Variants in WDFY4 observed in about 807,000 individuals in gnomAD.
WDFY4 encodes the protein WDFY family member 4.
Under a neutral mutation model 351.9 loss-of-function variants are expected in WDFY4, and 169 were observed. The ratio of observed to expected loss-of-function variants is 0.48; its 90% CI spans 0.42 to 0.55. WDFY4 has a LOEUF of 0.55. WDFY4 is among the 20% of genes least tolerant of loss of function. WDFY4 has a pLI of 0.00. For missense variants in WDFY4, 3,803 were observed against 3,935.6 expected (o/e 0.97, Z 0.90); for synonymous variants, 1,622 against 1,574.6 (o/e 1.03, Z -0.71).
intron 22 of WDFY4, 95 bp downstream of exon 22, chr10:48,790,080 T>C: frequency 7.9e-7 from 1 of 1,264,552 alleles, no homozygotes; most frequent in Non-Finnish European, 1.1e-6. Flanking sequence ...GTGGACAGGA[T>C]GGAGTGTGCC....
intron 47 of WDFY4, among the ~76,000 whole-genome samples, chr10:48,938,763 G>A (rs1840568401): frequency 6.6e-6 from 1 of 152,184 alleles, no homozygotes; most frequent in Admixed American, 6.5e-5. Flanking sequence ...CAGGATGGGT[G>A]TAAATGACCC....
At chr10:48,863,536 A>T (rs1482431078) in intron 39 of WDFY4, among the ~76,000 whole-genome samples, 1 of 152,102 alleles carries the variant, frequency 6.6e-6, no homozygotes, top group Non-Finnish European at 1.5e-5. Flanking sequence ...GTCCATTTTT[A>T]AATTGGATTA....
intron 25 of WDFY4, among the ~76,000 whole-genome samples, 172 bp downstream of exon 25, chr10:48,803,531 CG>C (rs2067153380): frequency 2.0e-5 from 3 of 152,046 alleles, no homozygotes; most frequent in Admixed American, 2.0e-4. Context: ...CTCATGGTCT[CG>C]GGCCTCAGGA....
intron 51 of WDFY4, among the ~76,000 whole-genome samples, chr10:48,952,387 G>A (rs901408781): frequency 2.0e-5 from 3 of 152,212 alleles, no homozygotes; most frequent in African/African-American, 7.2e-5. Context: ...CATGGGATCT[G>A]TAAGGGCCCA....
Position 48,810,754 on chromosome 10 carries a change from C to G in WDFY4, c.5044+19C>G. On this transcript the variant is annotated intron_variant, in intron 29 of 61. Coordinates refer to ENST00000325239, the MANE Select transcript of WDFY4 (RefSeq NM_001394531.1). ...GTAATGGGTGAGCACGTGGCTGTCT[C>G]CAGGGAGTGGGGCACCACCTAGTCC... 6.7e-7 allele frequency: 1 copy of G among 1,500,228 alleles called. No homozygotes were observed. Among genetic ancestry groups the G allele is most frequent in the Non-Finnish European group, 8.9e-7 (1 of 1,121,942 alleles). The allele number at this position is 1,500,228 out of a possible 1,614,324, so 92.9% of individuals were successfully genotyped here.
chr10:48,686,842 T>C (rs73304251), intron 1 of WDFY4, among the ~76,000 whole-genome samples: 47 of 152,318 alleles, frequency 3.1e-4, no homozygotes, highest in African/African-American at 1.1e-3. Context: ...TACATGCATC[T>C]TGGGGCATGT....
chr10:48,845,259 A>G (rs1043784017), intron 39 of WDFY4, among the ~76,000 whole-genome samples: 3 of 152,018 alleles, frequency 2.0e-5, no homozygotes, highest in Non-Finnish European at 1.5e-5. Context: ...CTGTATTTTC[A>G]TCTGGCTCTA....
chr10:48,712,077 T>A (rs76939869), intron 2 of WDFY4, among the ~76,000 whole-genome samples: 1,742 of 152,330 alleles, frequency 0.011, 24 homozygotes, highest in African/African-American at 0.04. Flanking sequence ...TTCCACACCC[T>A]GTCCCTATAA....
At chr10:48,739,333 A>C (rs1409970979) in intron 11 of WDFY4, among the ~76,000 whole-genome samples, 1 of 152,218 alleles carries the variant, frequency 6.6e-6, no homozygotes, top group Non-Finnish European at 1.5e-5. Context: ...AAATGTGCTT[A>C]ACGCTGACCT....
At chr10:48,771,108 G>A (rs915245855) in intron 13 of WDFY4, among the ~76,000 whole-genome samples, 47 of 152,214 alleles carry the variant, frequency 3.1e-4, no homozygotes, top group African/African-American at 1.1e-3. Flanking sequence ...TGTTTGGAAG[G>A]CAGGCGGGAG....
Position 48,787,930 on chromosome 10 carries a change from CTTCTTCTTCTTCTTCTTCTT to C in WDFY4, c.3809-599_3809-580del, listed in dbSNP as rs1382315443. Among the ~76,000 whole-genome samples the C allele has an allele frequency of 2.2e-3, 197 of 89,226 alleles. 6 individuals carry two copies. The highest frequency in any genetic ancestry group is 1.4e-3 in the Non-Finnish European group (66 of 46,358). The allele number at this position is 89,226 out of a possible 152,430, so 58.5% of individuals were successfully genotyped here. A position where few individuals can be genotyped will look rare whatever the true frequency, so the allele number is the denominator to read the frequency against. On this transcript the variant is annotated intron_variant, in intron 20 of 61. Transcript: ENST00000325239. The stretch of plus-strand genomic sequence containing the variant: ...TCTTCTTCTTCTTCTTCTTCTTCTT[CTTCTTCTTCTTCTTCTTCTT>C]CTTCTTCTTCTTCTTCTTCTTCTTC...
chr10:48,962,900 C>A (rs973894785), intron 53 of WDFY4, among the ~76,000 whole-genome samples: 2 of 152,204 alleles, frequency 1.3e-5, no homozygotes, highest in Non-Finnish European at 2.9e-5. Context: ...CCCAGCTAGA[C>A]ACAGCTGCCC....
At chr10:48,741,554 G>C (rs1347239616) in intron 11 of WDFY4, among the ~76,000 whole-genome samples, 2 of 146,586 alleles carry the variant, frequency 1.4e-5, no homozygotes, top group Non-Finnish European at 3.0e-5. Context: ...TAACTAAAAA[G>C]AATTTAAATA....
intron 47 of WDFY4, chr10:48,914,229 A>G (rs1386485756): frequency 6.8e-7 from 1 of 1,471,210 alleles, no homozygotes; most frequent in Admixed American, 2.0e-5. Context: ...AAAATCATGA[A>G]AAACTGCTGA....
At position 48,779,510 on chromosome 10, in the gene WDFY4, G is replaced by A. The variant is rs150823745; in HGVS notation, c.3398-431G>A. On this transcript the variant is annotated intron_variant, in intron 18 of 61. Transcript: ENST00000325239. ...AACAGTGGAAGCGGCTGACACCCTT[G>A]TACACAGCACAACTGCCTATCCAAC... 1.2e-3 allele frequency among the ~76,000 whole-genome samples: 181 copies of A among 152,332 alleles called. 1 individual carries two copies. The highest frequency in any genetic ancestry group is 4.1e-3 in the African/African-American group (171 of 41,588).
intron 30 of WDFY4, 124 bp from the exon 31 acceptor site, chr10:48,813,833 G>A: frequency 8.4e-7 from 1 of 1,191,104 alleles, no homozygotes; most frequent in Non-Finnish European, 1.1e-6. Flanking sequence ...AACCACCTAG[G>A]CTGCCAGTGT....
At chr10:48,856,715 T>C (rs1297585069) in intron 39 of WDFY4, among the ~76,000 whole-genome samples, 1 of 152,186 alleles carries the variant, frequency 6.6e-6, no homozygotes, top group Non-Finnish European at 1.5e-5. Flanking sequence ...TGAGTGACTA[T>C]TTTAAGCCAT....
At chr10:48,889,314 T>C (rs2070591442) in intron 43 of WDFY4, among the ~76,000 whole-genome samples, 1 of 152,242 alleles carries the variant, frequency 6.6e-6, no homozygotes, top group Non-Finnish European at 1.5e-5. Flanking sequence ...CTTTGCTTTC[T>C]GCCCTTGGCT....
intron 43 of WDFY4, among the ~76,000 whole-genome samples, chr10:48,884,655 A>G (rs73294634): frequency 0.037 from 5,589 of 152,204 alleles, 341 homozygotes; most frequent in African/African-American, 0.13. Context: ...TTTTAATTAT[A>G]CAGAACTACC....
Sources: allele counts gnomAD v4.1 joint callset (sites outside exome capture counted in the v4.1 genomes callset), GRCh38; gene constraint gnomAD v4.1.1; transcripts MANE v1.5; gene names NCBI Gene and HGNC (gene_info 2026-07-23, HGNC 2026-07-21).